Variants in STPG2 observed in about 807,000 individuals in gnomAD.
STPG2 encodes the protein sperm tail PG-rich repeat containing 2, also known as sperm-tail PG-rich repeat-containing protein 2.
A neutral mutation model predicts 54.2 loss-of-function variants in STPG2; 56 were observed. That is an observed-to-expected ratio of 1.03 (90% CI 0.83 to 1.29). STPG2 has a LOEUF of 1.29. Ranked by LOEUF, STPG2 falls within the 50% of genes most tolerant of loss-of-function variation. The pLI is 0.00. For missense variants in STPG2, 596 were observed against 544.9 expected, an observed-to-expected ratio of 1.09 and a Z score of -0.93; for synonymous variants, 200 against 181.8, an observed-to-expected ratio of 1.10 and a Z score of -0.81.
intron 8 of STPG2, among the ~76,000 whole-genome samples, chr4:97,941,761 T>C (rs1281747576): frequency 6.6e-6 from 1 of 152,058 alleles, no homozygotes; most frequent in South Asian, 2.1e-4. Context: ...TTTGAGATAT[T>C]ATTTCAATTT....
In STPG2 at chr4:98,069,258, AAG is replaced by A. The variant is rs1378658406; in HGVS notation, c.612+36693_612+36694del. Among the ~76,000 whole-genome samples, 4 of 143,568 alleles carry A rather than the reference AAG, an allele frequency of 2.8e-5. 1 individual carries two copies. Among genetic ancestry groups the A allele is most frequent in the East Asian group, 2.0e-4 (1 of 5,050 alleles). 94.2% of individuals were successfully genotyped at this position (143,568 alleles called of 152,430 possible). A position where few individuals can be genotyped will look rare whatever the true frequency, so the allele number is the denominator to read the frequency against. Reference sequence around the variant, plus strand: ...TACATATATTCTATACATAATTGAAAAGAGTCATTTAAATAATTGTTTTTAAG... The same window carrying A: ...TACATATATTCTATACATAATTGAAAAGTCATTTAAATAATTGTTTTTAAG... On this transcript the variant is annotated intron_variant, in intron 5 of 10. Transcript: ENST00000295268.
intron 8 of STPG2, among the ~76,000 whole-genome samples, chr4:97,934,373 C>T (rs944810784): frequency 5.9e-5 from 9 of 152,118 alleles, no homozygotes. Context: ...ACCTGATTGC[C>T]TTGGCCAGAA....
At chr4:98,035,523 T>C (rs879345213) in intron 5 of STPG2, among the ~76,000 whole-genome samples, 15 of 152,226 alleles carry the variant, frequency 9.9e-5, no homozygotes, top group Non-Finnish European at 1.6e-4. Flanking sequence ...TCAACCATTG[T>C]GGAAGACAGT....
intron 7 of STPG2, among the ~76,000 whole-genome samples, chr4:97,971,587 G>A (rs1312408948): frequency 2.0e-5 from 3 of 152,078 alleles, no homozygotes; most frequent in Non-Finnish European, 4.4e-5. Context: ...TCATAGATGG[G>A]AATTAAACAA....
intron 5 of STPG2, among the ~76,000 whole-genome samples, chr4:98,090,690 ATGGGATAT>A (rs1738659580): frequency 6.6e-6 from 1 of 152,116 alleles, no homozygotes; most frequent in African/African-American, 2.4e-5. Flanking sequence ...AACCATCAGC[ATGGGATAT>A]GTTTCCTTTT....
chr4:97,662,689 A>G (rs910047626), intron 10 of STPG2, among the ~76,000 whole-genome samples: 3 of 152,188 alleles, frequency 2.0e-5, no homozygotes, highest in Non-Finnish European at 4.4e-5. Flanking sequence ...ATGCAGGAAC[A>G]GCAAACTAAA....
intron 5 of STPG2, among the ~76,000 whole-genome samples, chr4:97,986,763 T>G (rs1578757955): frequency 6.6e-6 from 1 of 152,200 alleles, no homozygotes; most frequent in Non-Finnish European, 1.5e-5. Flanking sequence ...CTAGACCATG[T>G]CTATTTCCAA....
At chr4:97,818,014 T>C (rs147125201) in intron 9 of STPG2, among the ~76,000 whole-genome samples, 49 of 152,000 alleles carry the variant, frequency 3.2e-4, no homozygotes, top group South Asian at 3.1e-3. Flanking sequence ...TTTTTGGCCA[T>C]TTCCTTCCTG....
chr4:97,625,849 T>G (rs1734125670), intron 10 of STPG2, among the ~76,000 whole-genome samples: 1 of 152,188 alleles, frequency 6.6e-6, no homozygotes. Context: ...CCTGAAACAT[T>G]AGCTTTTAAG....
chr4:97,889,677 T>G (rs1248737994), intron 8 of STPG2, among the ~76,000 whole-genome samples: 1 of 152,138 alleles, frequency 6.6e-6, no homozygotes, highest in African/African-American at 2.4e-5. Flanking sequence ...GGAAAAAGTT[T>G]GGGGGAAAGA....
intron 8 of STPG2, among the ~76,000 whole-genome samples, chr4:97,887,709 G>C (rs989215275): frequency 1.1e-4 from 17 of 152,324 alleles, no homozygotes; most frequent in African/African-American, 4.1e-4. Context: ...AATTAAGCAG[G>C]CTGCAGAATT....
intron 4 of STPG2, among the ~76,000 whole-genome samples, chr4:97,504,442 T>G (rs1464931670): frequency 6.6e-6 from 1 of 151,604 alleles, no homozygotes; most frequent in Non-Finnish European, 1.5e-5. Context: ...GGAGAGAATG[T>G]GGGGGAAAGG....
At chr4:97,475,807 C>T (rs577259919) in intron 4 of STPG2, among the ~76,000 whole-genome samples, 1 of 152,148 alleles carries the variant, frequency 6.6e-6, no homozygotes, top group East Asian at 1.9e-4. Context: ...CCGCTGACTG[C>T]TTAGATGCCT....
At chr4:98,138,593 T>G (rs1740198788) in intron 1 of STPG2, among the ~76,000 whole-genome samples, 1 of 152,144 alleles carries the variant, frequency 6.6e-6, no homozygotes, top group Non-Finnish European at 1.5e-5. Flanking sequence ...ATCTTTGAAA[T>G]ATGTACTCAT....
intron 8 of STPG2, among the ~76,000 whole-genome samples, chr4:97,906,199 A>G (rs1210613872): frequency 6.6e-6 from 1 of 152,246 alleles, no homozygotes; most frequent in Non-Finnish European, 1.5e-5. Flanking sequence ...CACCGATCCC[A>G]CAGAAATACA....
At chr4:97,561,664 G>C (rs963450018) in intron 10 of STPG2, among the ~76,000 whole-genome samples, 1 of 151,954 alleles carries the variant, frequency 6.6e-6, no homozygotes, top group East Asian at 1.9e-4. Context: ...CATATGGCTA[G>C]CCAGTTTTCC....
intron 5 of STPG2, among the ~76,000 whole-genome samples, chr4:98,098,752 A>C (rs1045570003): frequency 6.6e-6 from 1 of 152,210 alleles, no homozygotes; most frequent in Non-Finnish European, 1.5e-5. Context: ...AGAACATATA[A>C]GGAGCTCAAA....
chr4:97,693,489 T>C (rs1342916304), intron 10 of STPG2, among the ~76,000 whole-genome samples: 2 of 152,052 alleles, frequency 1.3e-5, no homozygotes, highest in Non-Finnish European at 2.9e-5. Flanking sequence ...AATATCACAA[T>C]CCTAAATATA....
At chr4:97,525,633 T>C (rs1012002107) in intron 4 of STPG2, among the ~76,000 whole-genome samples, 1 of 151,950 alleles carries the variant, frequency 6.6e-6, no homozygotes, top group Non-Finnish European at 1.5e-5. Flanking sequence ...AAACAAAAAC[T>C]ATTGTACATG....
Sources: gnomAD v4.1 joint callset for allele counts (sites outside exome capture counted in the v4.1 genomes callset) on GRCh38, gnomAD v4.1.1 for gene constraint, MANE v1.5 for transcripts, NCBI Gene and HGNC (gene_info 2026-07-23, HGNC 2026-07-21) for gene names.